ZBBX: variants seen among roughly 807,000 people sequenced by gnomAD.
The protein encoded by ZBBX is zinc finger B-box domain-containing protein 1.
A neutral mutation model predicts 108.5 loss-of-function variants in ZBBX; 101 were observed. The ratio of observed to expected loss-of-function variants is 0.93; its 90% CI spans 0.79 to 1.10. ZBBX has a LOEUF of 1.10. Ranked by LOEUF, ZBBX falls within the 50% of genes least tolerant of loss-of-function variation. The pLI is 0.00. For synonymous variants in ZBBX, 356 were observed against 323.4 expected (o/e 1.10, Z -1.08); for missense variants, 1,009 against 941.4 (o/e 1.07, Z -0.94).
At chr3:167,317,291 T>C (rs1049966030) in intron 13 of ZBBX, among the ~76,000 whole-genome samples, 186 bp from the exon 14 acceptor site, 2 of 152,050 alleles carry the variant, frequency 1.3e-5, no homozygotes, top group African/African-American at 4.8e-5. Context: ...TAAATGAAAC[T>C]ATCTAAATCA....
chr3:167,178,599 CATG>C, the ZBBX span, among the ~76,000 whole-genome samples: 1 of 152,138 alleles, frequency 6.6e-6, no homozygotes, highest in African/African-American at 2.4e-5. Flanking sequence ...GCATCTGGCT[CATG>C]ATAAGGATTC....
At chr3:167,178,628 A>G in the ZBBX span, among the ~76,000 whole-genome samples, 2,000 of 152,170 alleles carry the variant, frequency 0.013, 50 homozygotes, top group African/African-American at 0.046. Context: ...TCTCAACGGC[A>G]CCCAAATTGG....
the ZBBX span, among the ~76,000 whole-genome samples, chr3:167,208,632 CCCTTG>C: frequency 6.6e-6 from 1 of 152,182 alleles, no homozygotes; most frequent in Non-Finnish European, 1.5e-5. Context: ...GATTAAAGAG[CCCTTG>C]GGCTCTCAAT....
intron 8 of ZBBX, among the ~76,000 whole-genome samples, chr3:167,355,743 A>G (rs1305249241): frequency 2.6e-5 from 4 of 152,032 alleles, no homozygotes; most frequent in Admixed American, 6.6e-5. Flanking sequence ...ATTTTTAAAT[A>G]GCTTTTTATT....
At position 167,289,170 on chromosome 3, in the gene ZBBX, T is replaced by A. The variant is rs1054624436; in HGVS notation, c.1880-187A>T. Among the ~76,000 whole-genome samples, 27 of 152,192 alleles carry A rather than the reference T, an allele frequency of 1.8e-4. No homozygotes were observed. In the East Asian group the frequency reaches 4.4e-3, roughly 25 times the overall value. On this transcript the variant is annotated intron_variant, in intron 18 of 21. Transcript: ENST00000675490. ...TCATTAAATTAATATATTTTAATTTTAAAAATTTAAAAAGTATATAACAAT... is the reference window on the plus strand; with the variant it reads ...TCATTAAATTAATATATTTTAATTTAAAAAATTTAAAAAGTATATAACAAT...
chr3:167,183,037 C>A, the ZBBX span, among the ~76,000 whole-genome samples: 1 of 152,246 alleles, frequency 6.6e-6, no homozygotes, highest in South Asian at 2.1e-4. Flanking sequence ...TATTTTTCAG[C>A]CAGTGTTCTC....
At chr3:167,391,175 T>C (rs564882660) in intron 1 of ZBBX, among the ~76,000 whole-genome samples, 2 of 152,168 alleles carry the variant, frequency 1.3e-5, no homozygotes, top group African/African-American at 4.8e-5. Flanking sequence ...ACCTAGTTTA[T>C]TGAGAGTCAT....
chr3:167,402,204 G>A (rs1227622991), intron 1 of ZBBX, among the ~76,000 whole-genome samples: 1 of 152,184 alleles, frequency 6.6e-6, no homozygotes, highest in East Asian at 1.9e-4. Flanking sequence ...AGTAAGAACT[G>A]ATAAGCAGAC....
chr3:167,273,567 C>T (rs1226927303), intron 20 of ZBBX, among the ~76,000 whole-genome samples: 1 of 152,104 alleles, frequency 6.6e-6, no homozygotes, highest in African/African-American at 2.4e-5. Flanking sequence ...GGCAGCTTAG[C>T]AGGACGCAGT....
intron 20 of ZBBX, among the ~76,000 whole-genome samples, chr3:167,250,588 G>A (rs986029540): frequency 4.0e-5 from 6 of 150,680 alleles, no homozygotes; most frequent in Admixed American, 6.6e-5. Flanking sequence ...ATGGTCAACC[G>A]GAGCCTCGAA....
chr3:167,206,012 T>A, the ZBBX span, among the ~76,000 whole-genome samples: 1 of 152,100 alleles, frequency 6.6e-6, no homozygotes, highest in Admixed American at 6.6e-5. Flanking sequence ...ACACCTAAAA[T>A]CTGCTCTCTT....
At chr3:167,393,150 CA>C (rs2108637959) in intron 1 of ZBBX, among the ~76,000 whole-genome samples, 1 of 151,934 alleles carries the variant, frequency 6.6e-6, no homozygotes, top group East Asian at 1.9e-4. Context: ...TTAAGGATTA[CA>C]TTTTTCAGCC....
At chr3:167,389,976 C>T (rs1748040388) in intron 1 of ZBBX, among the ~76,000 whole-genome samples, 1 of 152,036 alleles carries the variant, frequency 6.6e-6, no homozygotes, top group African/African-American at 2.4e-5. Context: ...TAATTAAATC[C>T]CATTAGTCAA....
chr3:167,235,655 C>A (rs1299914801), downstream of ZBBX, among the ~76,000 whole-genome samples: 1 of 151,512 alleles, frequency 6.6e-6, no homozygotes, highest in African/African-American at 2.4e-5. Flanking sequence ...AAGAAATAAA[C>A]CCCATCAATC....
the ZBBX span, among the ~76,000 whole-genome samples, chr3:167,202,144 C>G: frequency 6.6e-6 from 1 of 152,014 alleles, no homozygotes; most frequent in South Asian, 2.1e-4. Flanking sequence ...CTGGAGATAT[C>G]CAAGGTCACA....
Position 167,360,684 on chromosome 3 carries a change from G to T in ZBBX, c.313C>A (p.Gln105Lys). Residue 105 changes from glutamine (Q) to lysine (K), a missense_variant, in exon 7 of 22, where the codon CAG becomes AAG. Transcript: ENST00000675490. ...GKVKLKLLKE[Q>K]IQEPVKPTVN... ...GTGATAAATTATTTACCTTGAATCT[G>T]TTCCTTCAGCAATTTTAATTTCACT... is the stretch of plus-strand genomic sequence containing the variant. The T allele has an allele frequency of 7.2e-7, 1 of 1,383,016 alleles. No individual in the cohort carries two copies. Among genetic ancestry groups the T allele is most frequent in the Non-Finnish European group, 9.5e-7 (1 of 1,054,316 alleles). The allele number at this position is 1,383,016 out of a possible 1,614,324, so 85.7% of individuals were successfully genotyped here.
chr3:167,321,164 G>A (rs1233011982), intron 12 of ZBBX, among the ~76,000 whole-genome samples: 3 of 151,884 alleles, frequency 2.0e-5, no homozygotes, highest in African/African-American at 7.2e-5. Context: ...AAACCCATCT[G>A]TATATCTTCT....
intron 20 of ZBBX, among the ~76,000 whole-genome samples, chr3:167,250,639 G>A (rs1368028137): frequency 6.6e-6 from 1 of 152,024 alleles, no homozygotes; most frequent in Non-Finnish European, 1.5e-5. Flanking sequence ...ACCGCTAGGA[G>A]TCTGACTGCC....
intron 1 of ZBBX, among the ~76,000 whole-genome samples, chr3:167,399,219 A>T (rs1470166626): frequency 6.6e-6 from 1 of 152,150 alleles, no homozygotes; most frequent in African/African-American, 2.4e-5. Flanking sequence ...TTCTAATACC[A>T]CACAATAACA....
Sources: gnomAD v4.1 joint callset for allele counts (sites outside exome capture counted in the v4.1 genomes callset) on GRCh38, gnomAD v4.1.1 for gene constraint, MANE v1.5 for transcripts, NCBI Gene and HGNC (gene_info 2026-07-23, HGNC 2026-07-21) for gene names.